Variants in ZNF469 observed in about 807,000 individuals in gnomAD.
ZNF469 encodes zinc finger protein 469.
Under a neutral mutation model 1.0 loss-of-function variants are expected in ZNF469, and 1 was observed. The observed-to-expected ratio is 1.00, with a 90% confidence interval of 0.35 to 4.73. The LOEUF is 4.73. Ranked by LOEUF, ZNF469 falls within the 30% of genes most tolerant of loss-of-function variation. The pLI is 0.16. For missense variants in ZNF469, 6,100 were observed against 5,356.3 expected (o/e 1.14, Z -4.33); for synonymous variants, 2,703 against 2,363.4 (o/e 1.14, Z -4.17).
At chr16:88,299,309 G>A in the ZNF469 span, among the ~76,000 whole-genome samples, 3 of 151,960 alleles carry the variant, frequency 2.0e-5, no homozygotes, top group East Asian at 1.9e-4. Context: ...GAGGCAGCTT[G>A]CAGCAGGAGA....
upstream of ZNF469, among the ~76,000 whole-genome samples, chr16:88,382,217 G>A (rs1353628119): frequency 1.1e-4 from 16 of 152,358 alleles, no homozygotes; most frequent in East Asian, 9.6e-4. Context: ...GGACGGGCAC[G>A]TACTGGGCCA....
the ZNF469 span, among the ~76,000 whole-genome samples, chr16:88,146,977 G>A: frequency 6.6e-6 from 1 of 152,214 alleles, no homozygotes; most frequent in Admixed American, 6.5e-5. Context: ...CCCACGTCAG[G>A]AGGGGTCTGC....
At chr16:88,274,786 G>A in the ZNF469 span, among the ~76,000 whole-genome samples, 1 of 152,178 alleles carries the variant, frequency 6.6e-6, no homozygotes, top group African/African-American at 2.4e-5. Flanking sequence ...TGGAGGACTC[G>A]CCGTATTGCC....
the ZNF469 span, among the ~76,000 whole-genome samples, chr16:88,284,947 G>A: frequency 1.3e-5 from 2 of 152,380 alleles, no homozygotes; most frequent in Admixed American, 1.3e-4. Context: ...TGTGCTGATT[G>A]CACTGAGATG....
At chr16:88,399,029 G>A (rs1350900894) in intron 1 of ZNF469, among the ~76,000 whole-genome samples, 2 of 152,228 alleles carry the variant, frequency 1.3e-5, no homozygotes, top group African/African-American at 2.4e-5. Flanking sequence ...CAGCTGCCAC[G>A]TAACAAGCAG....
At chr16:88,232,138 C>T in the ZNF469 span, among the ~76,000 whole-genome samples, 8 of 152,186 alleles carry the variant, frequency 5.3e-5, no homozygotes, top group Non-Finnish European at 7.3e-5. Flanking sequence ...CCAACGTTGA[C>T]GGCAAGGTCC....
At position 88,433,325 on chromosome 16, in the gene ZNF469, G is replaced by A. The variant is rs746407463; in HGVS notation, c.5855G>A (p.Cys1952Tyr). 8 of 1,550,236 alleles carry A rather than the reference G, an allele frequency of 5.2e-6. No homozygotes were observed. The African/African-American group carries it at 6.8e-5, about 13-fold the overall frequency. The change falls in exon 3 of 3, where the codon TGT becomes TAT. Residue 1952 changes from cysteine (C) to tyrosine (Y), a missense_variant. Cys to Tyr is a radical substitution (Grantham distance 194, BLOSUM62 -2). Coordinates refer to ENST00000565624, the MANE Select transcript of ZNF469 (RefSeq NM_001367624.2). ...GGTVEGGKVA[C>Y]GPAQGSPGGV... is the part of the protein sequence containing the mutation. The stretch of plus-strand genomic sequence containing the variant: ...ACTGTGGAAGGAGGGAAGGTGGCCT[G>A]TGGCCCCGCCCAGGGCTCCCCAGGG...
the ZNF469 span, among the ~76,000 whole-genome samples, chr16:88,220,940 AG>A: frequency 6.6e-6 from 1 of 152,166 alleles, no homozygotes; most frequent in Non-Finnish European, 1.5e-5. Context: ...TGCCCTGTAC[AG>A]GGAGCCTCAC....
chr16:88,433,744 C>G lies in ZNF469; in HGVS notation c.6274C>G (p.Leu2092Val). Residue 2092 changes from leucine to valine, a missense_variant, in exon 3 of 3, where the codon CTG (leucine) becomes GTG (valine). Coordinates refer to ENST00000565624, the MANE Select transcript of ZNF469 (RefSeq NM_001367624.2). ...TCCAGAGAGGGCGTCCAGCCCCGGC[C>G]TGAACAAGCCACTGCTGGCCACAGG... ...RTPERASSPG[L>V]NKPLLATGDS... 5.8e-6 allele frequency: 9 copies of G among 1,549,038 alleles called. No homozygotes were observed. The highest frequency in any genetic ancestry group is 3.6e-5 in the South Asian group (3 of 84,056).
the ZNF469 span, among the ~76,000 whole-genome samples, chr16:88,111,163 C>T: frequency 2.6e-5 from 4 of 152,212 alleles, no homozygotes; most frequent in East Asian, 1.9e-4. Flanking sequence ...GGGGCTGTGA[C>T]GCCACTGCCG....
In ZNF469 at chr16:88,431,336, C is replaced by T; in HGVS notation, c.3866C>T (p.Pro1289Leu). ...TCGGGAAGCCTCGCCAACACGGCGC[C>T]CCACGGAAGCTCGCCAACGCCAGGT... Reference protein sequence around the residue: ...KPSGSLANTAPHGSSPTPGVG... With the variant: ...KPSGSLANTALHGSSPTPGVG... The change falls in exon 3 of 3, where the codon CCC (proline) becomes CTC (leucine). Residue 1289 changes from proline (P) to leucine (L), a missense_variant. Physicochemically the swap from Pro to Leu is moderately conservative, Grantham distance 98. Transcript: ENST00000565624. 1 of 1,549,546 alleles carries T rather than the reference C, an allele frequency of 6.5e-7. No individual in the cohort carries two copies. Among genetic ancestry groups the T allele is most frequent in the Non-Finnish European group, 8.7e-7 (1 of 1,146,584 alleles).
chr16:88,217,687 C>T, the ZNF469 span, among the ~76,000 whole-genome samples: 189 of 115,028 alleles, frequency 1.6e-3, 2 homozygotes, highest in East Asian at 3.4e-3. Flanking sequence ...TGAGAATATG[C>T]GGTGTTTGGT....
the ZNF469 span, among the ~76,000 whole-genome samples, chr16:88,154,744 G>T: frequency 6.6e-6 from 1 of 152,340 alleles, no homozygotes; most frequent in East Asian, 1.9e-4. Flanking sequence ...CCCTAGAGCA[G>T]CATCTGCCAC....
At chr16:88,151,748 G>A in the ZNF469 span, among the ~76,000 whole-genome samples, 2 of 152,128 alleles carry the variant, frequency 1.3e-5, no homozygotes, top group African/African-American at 4.8e-5. The surrounding 1 kb of genome is among the most constrained non-coding windows in gnomAD (Gnocchi z 5.4). Flanking sequence ...AAGGATCCTC[G>A]TTCGGCCACT....
chr16:88,163,612 AGATGGATGGATGGATGGATG>A, the ZNF469 span, among the ~76,000 whole-genome samples: 41 of 129,752 alleles, frequency 3.2e-4, no homozygotes, highest in African/African-American at 9.0e-4. Flanking sequence ...GTGCATTGGT[AGATGGATGGATGGATGGATG>A]GATGGATGGA....
chr16:88,413,092 A>T (rs1905217865), intron 1 of ZNF469, among the ~76,000 whole-genome samples: 1 of 152,084 alleles, frequency 6.6e-6, no homozygotes, highest in Admixed American at 6.5e-5. Context: ...CCTTGAACAA[A>T]TCTGGGCCAT....
the ZNF469 span, among the ~76,000 whole-genome samples, chr16:88,184,921 CTG>C: frequency 6.6e-6 from 1 of 152,038 alleles, no homozygotes; most frequent in South Asian, 2.1e-4. Flanking sequence ...ACACAATAGG[CTG>C]TTATGCACAG....
the ZNF469 span, among the ~76,000 whole-genome samples, chr16:88,202,448 C>T: frequency 6.6e-6 from 1 of 152,146 alleles, no homozygotes; most frequent in African/African-American, 2.4e-5. Flanking sequence ...TAAGCTGCAC[C>T]CACCTGTCCC....
At chr16:88,304,090 T>A in the ZNF469 span, among the ~76,000 whole-genome samples, 1 of 152,196 alleles carries the variant, frequency 6.6e-6, no homozygotes. Context: ...GGAGGCTTGT[T>A]CTGGGAGGAG....
Sources: gnomAD v4.1 joint callset for allele counts (sites outside exome capture counted in the v4.1 genomes callset) on GRCh38, gnomAD v4.1.1 for gene constraint, Gnocchi (gnomAD v3.1) non-coding constraint, MANE v1.5 for transcripts, NCBI Gene and HGNC (gene_info 2026-07-23, HGNC 2026-07-21) for gene names.